Variants in LARP1 observed in about 807,000 individuals in gnomAD.
LARP1 encodes la-related protein 1.
In LARP1, 36 loss-of-function variants were observed where a neutral mutation model predicts 122.7. The ratio of observed to expected loss-of-function variants is 0.29; its 90% CI spans 0.22 to 0.39. The LOEUF (loss-of-function observed/expected upper bound fraction) is 0.39. Among genes scored for constraint, LARP1 ranks in the 10% least tolerant of loss-of-function variants. The probability of loss-of-function intolerance (pLI) is 1.00; values close to 1 mark genes in which losing one functional copy is unlikely to be tolerated. For missense variants in LARP1, 1,040 were observed against 1,403.6 expected (o/e 0.74, Z 4.14); for synonymous variants, 539 against 528.7 (o/e 1.02, Z -0.27).
chr5:154,697,202 CTT>C (rs11399407), intron 1 of LARP1, among the ~76,000 whole-genome samples: 9 of 141,594 alleles, frequency 6.4e-5, no homozygotes, highest in Non-Finnish European at 7.6e-5. Context: ...AGCTTTTTAT[CTT>C]TTTTTTTTTT....
At chr5:154,692,658 C>T (rs778057748) in intron 1 of LARP1, among the ~76,000 whole-genome samples, 1 of 152,186 alleles carries the variant, frequency 6.6e-6, no homozygotes, top group Non-Finnish European at 1.5e-5. Context: ...AGTTCTTCGT[C>T]CTCTATCTGC....
upstream of LARP1, chr5:154,712,817 A>T: frequency 2.0e-6 from 2 of 976,940 alleles, no homozygotes; most frequent in Non-Finnish European, 3.1e-6. Context: ...AAGGAAAACT[A>T]GCCTGGCAAC....
rs1756090375 is a variant in LARP1, at chr5:154,778,256, TC to T, written c.437-12068del. On this transcript the variant is annotated intron_variant, in intron 1 of 18. Coordinates refer to ENST00000518297, the MANE Select transcript of LARP1 (RefSeq NM_033551.3). ...GCCTGGGCCACAGAGCGAGACTCCG[TC>T]TAAAAAAAAAAAAAAAAAAAGTGCA... Among the ~76,000 whole-genome samples, 6 of 120,500 alleles carry T rather than the reference TC, an allele frequency of 5.0e-5. No homozygotes were observed. In the South Asian group the frequency reaches 1.3e-3, roughly 26 times the overall value. 79.1% of individuals were successfully genotyped at this position (120,500 alleles called of 152,430 possible).
rs555686390 is a variant in LARP1, at chr5:154,793,156, G to A, written c.739+360G>A. On this transcript the variant is annotated intron_variant, in intron 4 of 18. Coordinates refer to ENST00000518297, the MANE Select transcript of LARP1 (RefSeq NM_033551.3). ...TACACCGGTTCTTCATATCATCACT[G>A]ATGGCTTCCTATTTCCTTCTTCTTC... 1.1e-3 allele frequency among the ~76,000 whole-genome samples: 175 copies of A among 152,318 alleles called. 1 individual carries two copies. The highest frequency in any genetic ancestry group is 4.0e-3 in the African/African-American group (166 of 41,574).
chr5:154,776,572 T>C (rs976907320), intron 1 of LARP1, among the ~76,000 whole-genome samples: 3 of 152,250 alleles, frequency 2.0e-5, no homozygotes, highest in Non-Finnish European at 4.4e-5. Flanking sequence ...TCTCACTCAT[T>C]GGCAGCTCAG....
At chr5:154,771,544 C>T (rs904354810) in intron 1 of LARP1, among the ~76,000 whole-genome samples, 1 of 152,208 alleles carries the variant, frequency 6.6e-6, no homozygotes, top group Non-Finnish European at 1.5e-5. Flanking sequence ...TTTGCATTCT[C>T]CCAGACCACA....
At chr5:154,729,635 G>T in intron 1 of LARP1, 1 of 412,756 alleles carries the variant, frequency 2.4e-6, no homozygotes, top group South Asian at 1.9e-5. Flanking sequence ...CACACTTTGT[G>T]AGAACCAATG....
chr5:154,722,707 G>A (rs1280566756), intron 1 of LARP1, among the ~76,000 whole-genome samples: 3 of 135,308 alleles, frequency 2.2e-5, no homozygotes, highest in Non-Finnish European at 3.1e-5. Context: ...TTGAGACGGA[G>A]TCTCACTCTA....
chr5:154,788,702 T>C (rs969013398), intron 1 of LARP1, among the ~76,000 whole-genome samples: 1 of 151,304 alleles, frequency 6.6e-6, no homozygotes, highest in East Asian at 1.9e-4. Flanking sequence ...GGAAAAGAAG[T>C]GTGGATGTAG....
intron 1 of LARP1, among the ~76,000 whole-genome samples, chr5:154,779,920 T>C (rs1385754699): frequency 1.3e-5 from 2 of 152,108 alleles, no homozygotes; most frequent in African/African-American, 2.4e-5. Flanking sequence ...CCTGTCTCCA[T>C]GTTCATAGCA....
intron 1 of LARP1, among the ~76,000 whole-genome samples, chr5:154,704,830 G>A (rs1049516040): frequency 6.6e-6 from 1 of 151,272 alleles, no homozygotes; most frequent in Non-Finnish European, 1.5e-5. Context: ...AATGGACAAA[G>A]GACAGGGCCG....
chr5:154,794,154 G>C lies in LARP1; in HGVS notation c.1124G>C (p.Arg375Pro), dbSNP rs747178376. ...AAGTTTGATGGTGTGGAGGGGCCTCGTACGCCCAAGTACATGAACAACATC... is the reference window on the plus strand; with the variant it reads ...AAGTTTGATGGTGTGGAGGGGCCTCCTACGCCCAAGTACATGAACAACATC... ...YRKFDGVEGPRTPKYMNNITY... is the reference protein window; with the variant it reads ...YRKFDGVEGPPTPKYMNNITY... Residue 375 changes from arginine to proline, a missense_variant, in exon 7 of 19, where the codon CGT (arginine) becomes CCT (proline). This residue lies in a region of LARP1 where 178 missense variants were observed against 178.3 expected (regional missense o/e 1.00). Transcript: ENST00000518297. 6.2e-7 allele frequency: 1 copy of C among 1,614,150 alleles called. No homozygotes were observed. The highest frequency in any genetic ancestry group is 1.1e-5 in the South Asian group (1 of 91,074).
rs1167745857 is a variant in LARP1 at position 154,755,548 on chromosome 5, TC to T, written c.-202del. On this transcript the variant is annotated 5_prime_UTR_variant, in exon 1 of 19. Coordinates refer to ENST00000518297, the MANE Select transcript of LARP1 (RefSeq NM_033551.3). ...TGGACTGCAGAGTGGGGGGCCTTCC[TC>T]CCCCCCCGCCCCGCTAGTGGGCCTC... 1.6e-5 allele frequency: 16 copies of T among 978,828 alleles called. No homozygotes were observed. The highest frequency in any genetic ancestry group is 1.2e-4 in the East Asian group (1 of 8,418). 60.6% of individuals were successfully genotyped at this position (978,828 alleles called of 1,614,324 possible). A position where few individuals can be genotyped will look rare whatever the true frequency, so the allele number is the denominator to read the frequency against.
chr5:154,690,640 T>G (rs965508931), intron 1 of LARP1, among the ~76,000 whole-genome samples: 2 of 152,190 alleles, frequency 1.3e-5, no homozygotes, highest in African/African-American at 4.8e-5. Flanking sequence ...CTGGGTGATA[T>G]GGCTGAGCAG....
In LARP1 at chr5:154,742,913, C is replaced by G. The variant is rs550327972; in HGVS notation, c.205+29783C>G. ...CTGGAAAGCAGCCCTTTTCCTACAT[C>G]TCACAGCCTGCTACTGCCCCAGCAG... On this transcript the variant is annotated intron_variant, in intron 1 of 18. Coordinates refer to the LARP1 transcript ENST00000336314. Among the ~76,000 whole-genome samples, 432 of 152,272 alleles carry G rather than the reference C, an allele frequency of 2.8e-3. 4 individuals carry two copies. Among genetic ancestry groups the G allele is most frequent in the Non-Finnish European group, 4.7e-3 (317 of 68,024 alleles).
At chr5:154,813,770 A>T in intron 18 of LARP1, 117 bp from the exon 19 acceptor site, 1 of 848,906 alleles carries the variant, frequency 1.2e-6, no homozygotes, top group Non-Finnish European at 1.9e-6. Context: ...TTTTAAGGTT[A>T]AACCCATTCA....
intron 1 of LARP1, among the ~76,000 whole-genome samples, chr5:154,745,019 C>T (rs1753115549): frequency 1.3e-5 from 2 of 152,014 alleles, no homozygotes; most frequent in Non-Finnish European, 2.9e-5. Flanking sequence ...TTCCACCTCC[C>T]GGGTTGAAGC....
At chr5:154,760,277 A>G (rs1754345436) in intron 1 of LARP1, among the ~76,000 whole-genome samples, 1 of 152,154 alleles carries the variant, frequency 6.6e-6, no homozygotes, top group Admixed American at 6.5e-5. Context: ...CATGACCAGC[A>G]ATGTGGACAC....
rs1472049474 is a variant in LARP1 at position 154,814,082 on chromosome 5, A to G, written c.3277A>G (p.Thr1093Ala). Residue 1093 changes from threonine (T) to alanine (A), a missense_variant, in exon 19 of 19, where the codon ACT becomes GCT. Transcript: ENST00000518297. Reference sequence around the variant, plus strand: ...GACAAGCCAGCACTCGAACACACAGACTTTGGGAAAGTGAAAAGCTCCTTA... The same window carrying G: ...GACAAGCCAGCACTCGAACACACAGGCTTTGGGAAAGTGAAAAGCTCCTTA... ...KWTSQHSNTQ[T>A]LGK 6.2e-7 allele frequency: 1 copy of G among 1,614,042 alleles called. No individual in the cohort carries two copies. Among genetic ancestry groups the G allele is most frequent in the African/African-American group, 1.3e-5 (1 of 74,998 alleles).
Sources: gnomAD v4.1 joint callset for allele counts (sites outside exome capture counted in the v4.1 genomes callset) on GRCh38, gnomAD v4.1.1 for gene constraint, gnomAD v4.1.1 regional missense constraint, MANE v1.5 for transcripts, NCBI Gene and HGNC (gene_info 2026-07-23, HGNC 2026-07-21) for gene names.